EDA: variants seen among roughly 807,000 people sequenced by gnomAD.
EDA encodes the protein ectodysplasin A, also known as ectodysplasin-A.
Under a neutral mutation model 23.6 loss-of-function variants are expected in EDA, and 2 were observed. That is an observed-to-expected ratio of 0.08 (90% CI 0.03 to 0.27). The LOEUF (loss-of-function observed/expected upper bound fraction) is 0.27, where lower values mean the gene tolerates loss of function less well. Among genes scored for constraint, EDA ranks in the 10% least tolerant of loss-of-function variants. The probability of loss-of-function intolerance (pLI) is 1.00; values close to 1 mark genes in which losing one functional copy is unlikely to be tolerated. For synonymous variants in EDA, 131 were observed against 132.0 expected, an observed-to-expected ratio of 0.99 and a Z score of 0.05; for missense variants, 229 against 324.2, an observed-to-expected ratio of 0.71 and a Z score of 2.26.
chrX:69,687,676 C>T (rs1042731910), intron 1 of EDA: 4 of 79,576 alleles, frequency 5.0e-5, no homozygotes, highest in Non-Finnish European at 1.2e-4. Flanking sequence ...ATGTTTTCTT[C>T]TAAGAGTTTT....
chrX:69,659,811 G>A (rs1405716102), intron 1 of EDA, among the ~76,000 whole-genome samples: 2 of 111,571 alleles, frequency 1.8e-5, no homozygotes, highest in Non-Finnish European at 3.8e-5. Flanking sequence ...ACCTGGCAGT[G>A]CATCAGTCAC....
intron 1 of EDA, among the ~76,000 whole-genome samples, chrX:69,908,718 GA>G (rs1224416702): frequency 9.1e-6 from 1 of 109,395 alleles, no homozygotes; most frequent in African/African-American, 3.3e-5. Flanking sequence ...TTAAATATTA[GA>G]AAAAATGGTA....
chrX:69,678,618 CTGTT>C (rs1240146211), intron 1 of EDA, among the ~76,000 whole-genome samples: 1 of 108,493 alleles, frequency 9.2e-6, no homozygotes, highest in East Asian at 2.9e-4. Flanking sequence ...ATTTGGCTCT[CTGTT>C]TGTCTGTTGT....
intron 1 of EDA, among the ~76,000 whole-genome samples, chrX:69,889,007 T>TATATATATATATAC (rs2017881037): frequency 1.2e-4 from 9 of 72,342 alleles, no homozygotes; most frequent in African/African-American, 4.0e-4. Context: ...TATATATATA[T>TATATATATATATAC]ATATATATAT....
intron 1 of EDA, among the ~76,000 whole-genome samples, chrX:69,899,968 G>T (rs2018075045): frequency 9.0e-6 from 1 of 111,065 alleles, no homozygotes; most frequent in Non-Finnish European, 1.9e-5. Flanking sequence ...CTAGTGGTAT[G>T]ACCTTAGACA....
At chrX:69,721,634 A>C in intron 1 of EDA, among the ~76,000 whole-genome samples, 1 of 110,951 alleles carries the variant, frequency 9.0e-6, no homozygotes, top group East Asian at 2.9e-4. Context: ...CATTTGATTT[A>C]GGAGAGGAAT....
intron 1 of EDA, among the ~76,000 whole-genome samples, chrX:69,731,761 A>G (rs1188948518): frequency 1.8e-5 from 2 of 111,834 alleles, no homozygotes; most frequent in Non-Finnish European, 3.8e-5. Flanking sequence ...TAAGCATTTA[A>G]TACTATAAAT....
chrX:69,710,384 G>A (rs1758039688), intron 1 of EDA, among the ~76,000 whole-genome samples: 1 of 111,407 alleles, frequency 9.0e-6, no homozygotes, highest in African/African-American at 3.3e-5. Context: ...GTACCATGCT[G>A]TTTTGGTTAC....
chrX:69,943,004 T>G (rs2018783693), intron 1 of EDA, among the ~76,000 whole-genome samples: 1 of 111,030 alleles, frequency 9.0e-6, no homozygotes, highest in Non-Finnish European at 1.9e-5. Flanking sequence ...TTCTTCAGTA[T>G]GCCAATTGCA....
At chrX:70,021,349 G>A (rs1238279259) in intron 2 of EDA, among the ~76,000 whole-genome samples, 1 of 111,718 alleles carries the variant, frequency 9.0e-6, no homozygotes, top group African/African-American at 3.3e-5. Context: ...AACTTGGTCC[G>A]GGCCAGCACA....
intron 1 of EDA, among the ~76,000 whole-genome samples, chrX:69,646,479 T>A (rs1932930590): frequency 9.0e-6 from 1 of 111,445 alleles, no homozygotes; most frequent in Non-Finnish European, 1.9e-5. Flanking sequence ...TAAAGTCTGT[T>A]TTGTCAGAAA....
chrX:69,895,395 T>TACAC (rs200298403), intron 1 of EDA, among the ~76,000 whole-genome samples: 5,127 of 86,046 alleles, frequency 0.06, 184 homozygotes, highest in Middle Eastern at 0.14. Flanking sequence ...TTTCTCAACC[T>TACAC]ACACACACAC....
chrX:70,030,558 T>C (rs2020184600), intron 6 of EDA, 38 bp downstream of exon 6: 1 of 1,116,730 alleles, frequency 9.0e-7, no homozygotes, highest in African/African-American at 1.8e-5. Flanking sequence ...AAGAGGAGCT[T>C]CTCCCCTGCC....
At chrX:69,660,716 C>T (rs1031766957) in intron 1 of EDA, among the ~76,000 whole-genome samples, 1 of 111,563 alleles carries the variant, frequency 9.0e-6, no homozygotes, top group Non-Finnish European at 1.9e-5. Context: ...GTATATGTGC[C>T]ACATTTTCTT....
intron 1 of EDA, among the ~76,000 whole-genome samples, chrX:69,820,338 A>G (rs1471593812): frequency 8.9e-6 from 1 of 112,068 alleles, no homozygotes; most frequent in Non-Finnish European, 1.9e-5. Flanking sequence ...GCACGGGTAA[A>G]GATTTCATAA....
chrX:70,004,350 T>C (rs1419428461), intron 2 of EDA, among the ~76,000 whole-genome samples: 2 of 111,509 alleles, frequency 1.8e-5, no homozygotes, highest in Non-Finnish European at 3.8e-5. Context: ...TACTTGAGAT[T>C]GGGATGGGAT....
chrX:69,925,565 T>C (rs1336809834), intron 1 of EDA, among the ~76,000 whole-genome samples: 1 of 111,596 alleles, frequency 9.0e-6, no homozygotes, highest in African/African-American at 3.3e-5. Flanking sequence ...GTGTTTTTAT[T>C]GAGGATTTTT....
In EDA at chrX:70,037,715, G is replaced by A. The variant is rs1273036074; in HGVS notation, c.*2106G>A. The A allele has an allele frequency of 3.6e-5, 4 of 111,679 alleles. No homozygotes were observed. Among genetic ancestry groups the A allele is most frequent in the Admixed American group, 9.5e-5 (1 of 10,547 alleles). 9.2% of individuals were successfully genotyped at this position (111,679 alleles called of 1,213,427 possible). The stretch of plus-strand genomic sequence containing the variant: ...AACTGAAATCCTTGAGAGTTCCGGG[G>A]AGAAACCCAGAGATGCCTGATTTCA... On this transcript the variant is annotated 3_prime_UTR_variant, in exon 8 of 8. Coordinates refer to ENST00000374552, the MANE Select transcript of EDA (RefSeq NM_001399.5).
At chrX:69,682,423 G>A (rs1274548286) in intron 1 of EDA, among the ~76,000 whole-genome samples, 4 of 112,134 alleles carry the variant, frequency 3.6e-5, no homozygotes, top group Admixed American at 9.3e-5. Flanking sequence ...CCCCAGCCTC[G>A]CTGCCACCTT....
Sources: allele counts gnomAD v4.1 joint callset (sites outside exome capture counted in the v4.1 genomes callset), GRCh38; gene constraint gnomAD v4.1.1; transcripts MANE v1.5; gene names NCBI Gene and HGNC (gene_info 2026-07-23, HGNC 2026-07-21).